The following OR51I2 variants were observed in gnomAD, a reference collection of about 807,000 sequenced individuals.
OR51I2 encodes olfactory receptor 51I2.
OR51I2 carries 6 observed loss-of-function variants against 9.3 expected under a neutral mutation model. The observed-to-expected ratio is 0.64, with a 90% CI of 0.35 to 1.27. OR51I2 has a LOEUF of 1.27. OR51I2 is among the 50% of genes most tolerant of loss of function. The pLI is 0.03. For missense variants in OR51I2, 489 were observed against 396.4 expected (o/e 1.23, Z -1.98); for synonymous variants, 179 against 143.1 (o/e 1.25, Z -1.79).
At position 5,453,719 on chromosome 11, in the gene OR51I2, A is replaced by G. The variant is rs80243568; in HGVS notation, c.231A>G (p.Thr77=). The G allele has an allele frequency of 3.3e-3, 5,258 of 1,614,114 alleles. 135 individuals are homozygous for G. In the African/African-American group the frequency reaches 0.059, roughly 18 times the overall value. ...SFSDVAISMA[T]LPTVLRTFCL... ...GTGATGTGGCCATATCCATGGCCAC[A>G]CTGCCCACTGTACTCCGAACCTTCT... Residue 77 remains threonine, a synonymous_variant, in exon 2 of 2, where the codon ACA becomes ACG. Transcript: ENST00000641930.
rs376662232 is a variant in OR51I2 at position 5,454,141 on chromosome 11, A to G, written c.653A>G (p.Tyr218Cys). ...GMDLFFIFLS[Y>C]VLILRSVMAT... is the part of the protein sequence containing the mutation. Reference sequence around the variant, plus strand: ...GACCTGTTTTTTATCTTCCTCTCCTATGTGCTCATTCTGCGTTCTGTCATG... The same window carrying G: ...GACCTGTTTTTTATCTTCCTCTCCTGTGTGCTCATTCTGCGTTCTGTCATG... Residue 218 changes from tyrosine (Y) to cysteine (C), a missense_variant, in exon 2 of 2, where the codon TAT (tyrosine) becomes TGT (cysteine). Transcript: ENST00000641930. 11 of 1,613,840 alleles carry G rather than the reference A, an allele frequency of 6.8e-6. No individual in the cohort carries two copies. The highest frequency in any genetic ancestry group is 9.3e-6 in the Non-Finnish European group (11 of 1,180,000).
rs2133787938 is a variant in OR51I2, at chr11:5,454,203, A to ACG, written c.715_716insCG (p.Asn239ThrfsTer18). On this transcript the variant is annotated frameshift_variant, in exon 2 of 2. Transcript: ENST00000641930. LOFTEE classifies it high-confidence loss of function. ...CCGTGAGGAACGCCTCAAAGCTCTCAACACATGTGTGTCACATATCCTGGC... is the reference window on the plus strand; with the variant it reads ...CCGTGAGGAACGCCTCAAAGCTCTCACGACACATGTGTGTCACATATCCTGGC... 1 of 1,613,950 alleles carries ACG rather than the reference A, an allele frequency of 6.2e-7. No individual in the cohort carries two copies. The highest frequency in any genetic ancestry group is 8.5e-7 in the Non-Finnish European group (1 of 1,179,896).
Position 5,453,677 on chromosome 11 carries a change from G to T in OR51I2, c.189G>T (p.Leu63=). Residue 63 remains leucine (L), a synonymous_variant, in exon 2 of 2, where the codon CTG becomes CTT. Coordinates refer to ENST00000641930, the MANE Select transcript of OR51I2 (RefSeq NM_001004754.3). ...TCCATGAGCCCATGTACTACTTCCT[G>T]TCCATGTTGTCCTTCAGTGATGTGG... is the stretch of plus-strand genomic sequence containing the variant. ...PSLHEPMYYF[L]SMLSFSDVAI... The T allele has an allele frequency of 6.2e-7, 1 of 1,613,446 alleles. No individual in the cohort carries two copies. The highest frequency in any genetic ancestry group is 8.5e-7 in the Non-Finnish European group (1 of 1,179,694).
At position 5,454,329 on chromosome 11, in the gene OR51I2, CT is replaced by C; in HGVS notation, c.842del (p.Leu281HisfsTer39). ...YIHVLMSNVY[L>X]FVPPVLNPLI... The stretch of plus-strand genomic sequence containing the variant: ...ACATGTCCTCATGTCAAATGTGTAC[CT>C]ATTTGTGCCTCCTGTGCTCAACCCT... On this transcript the variant is annotated frameshift_variant, in exon 2 of 2. Coordinates refer to ENST00000641930, the MANE Select transcript of OR51I2 (RefSeq NM_001004754.3). LOFTEE classifies it high-confidence loss of function. 1 of 1,614,146 alleles carries C rather than the reference CT, an allele frequency of 6.2e-7. No individual in the cohort carries two copies. The highest frequency in any genetic ancestry group is 8.5e-7 in the Non-Finnish European group (1 of 1,180,016).
In OR51I2 at chr11:5,453,941, A is replaced by G. The variant is rs1850903418; in HGVS notation, c.453A>G (p.Arg151=). The part of the protein sequence containing the change: ...IAAMGLGAAA[R]SFITLFPLPF... Reference sequence around the variant, plus strand: ...CAATGGGTTTAGGTGCAGCTGCTCGAAGCTTCATCACCCTTTTCCCTCTTC... The same window carrying G: ...CAATGGGTTTAGGTGCAGCTGCTCGGAGCTTCATCACCCTTTTCCCTCTTC... The change falls in exon 2 of 2, where the codon CGA becomes CGG. Residue 151 remains arginine (R), a synonymous_variant. Coordinates refer to ENST00000641930, the MANE Select transcript of OR51I2 (RefSeq NM_001004754.3). 2 of 1,614,024 alleles carry G rather than the reference A, an allele frequency of 1.2e-6. No individual in the cohort carries two copies. Among genetic ancestry groups the G allele is most frequent in the Non-Finnish European group, 1.7e-6 (2 of 1,180,020 alleles).
chr11:5,450,307 T>C (rs1850825061), intron 1 of OR51I2, among the ~76,000 whole-genome samples: 1 of 152,040 alleles, frequency 6.6e-6, no homozygotes, highest in African/African-American at 2.4e-5. Context: ...AAGAATCACC[T>C]GAACCTGGGA....
intron 1 of OR51I2, among the ~76,000 whole-genome samples, chr11:5,452,488 G>A (rs967545124): frequency 1.5e-4 from 15 of 103,200 alleles, no homozygotes; most frequent in African/African-American, 1.9e-4. Context: ...CTGGGCAAAA[G>A]AGAGAGACTC....
chr11:5,450,377 A>C lies in OR51I2; in HGVS notation c.-231+1013A>C, dbSNP rs537387659. ...GCACTCCACCCTGGATGATGGAGCAAGACTCAGTCTCAAATAAATAAATGA... is the reference window on the plus strand; with the variant it reads ...GCACTCCACCCTGGATGATGGAGCACGACTCAGTCTCAAATAAATAAATGA... On this transcript the variant is annotated intron_variant, in intron 1 of 1. Coordinates refer to ENST00000641930, the MANE Select transcript of OR51I2 (RefSeq NM_001004754.3). Among the ~76,000 whole-genome samples the C allele has an allele frequency of 1.1e-4, 16 of 152,296 alleles. 1 individual carries two copies. The South Asian group carries it at 3.3e-3, about 32-fold the overall frequency.
Position 5,453,799 on chromosome 11 carries a change from T to C in OR51I2, c.311T>C (p.Ile104Thr). 1 of 1,614,236 alleles carries C rather than the reference T, an allele frequency of 6.2e-7. No homozygotes were observed. Among genetic ancestry groups the C allele is most frequent in the Non-Finnish European group, 8.5e-7 (1 of 1,180,046 alleles). ...GCCTGTCTAATTCAGATGTTTCTTA[T>C]TCACTTCTTCTCCATGATGGAATCA... The part of the protein sequence containing the change: ...FDACLIQMFL[I>T]HFFSMMESGI... The change falls in exon 2 of 2, where the codon ATT becomes ACT. Residue 104 changes from isoleucine to threonine, a missense_variant. Coordinates refer to ENST00000641930, the MANE Select transcript of OR51I2 (RefSeq NM_001004754.3).
Position 5,453,292 on chromosome 11 carries a change from T to G in OR51I2, c.-197T>G. ...ATTAGCTCAGCCTGCAGGCTGATCATCATAAAATATGAAGAAAAGGAGTTT... is the reference window on the plus strand; with the variant it reads ...ATTAGCTCAGCCTGCAGGCTGATCAGCATAAAATATGAAGAAAAGGAGTTT... On this transcript the variant is annotated 5_prime_UTR_variant, in exon 2 of 2. Coordinates refer to ENST00000641930, the MANE Select transcript of OR51I2 (RefSeq NM_001004754.3). The G allele has an allele frequency of 2.3e-6, 1 of 428,096 alleles. No individual in the cohort carries two copies. The highest frequency in any genetic ancestry group is 4.1e-6 in the Non-Finnish European group (1 of 243,310). The allele number at this position is 428,096 out of a possible 1,614,324, so 26.5% of individuals were successfully genotyped here.
chr11:5,454,367 C>A lies in OR51I2; in HGVS notation c.879C>A (p.Ser293Arg), dbSNP rs11037503. Residue 293 changes from serine (S) to arginine (R), a missense_variant, in exon 2 of 2, where the codon AGC (serine) becomes AGA (arginine). Ser to Arg is a moderately radical substitution (Grantham distance 110, BLOSUM62 -1). Coordinates refer to ENST00000641930, the MANE Select transcript of OR51I2 (RefSeq NM_001004754.3). ...CTGTGCTCAACCCTCTCATTTATAG[C>A]GCCAAGACAAAGGAAATCCGCCGAG... ...VPPVLNPLIY[S>R]AKTKEIRRAI... The A allele has an allele frequency of 2.5e-6, 4 of 1,613,310 alleles. No homozygotes were observed. In the African/African-American group the frequency reaches 4.0e-5, roughly 16 times the overall value.
chr11:5,454,116 G>A lies in OR51I2; in HGVS notation c.628G>A (p.Asp210Asn). ...LFVLVSTFGM[D>N]LFFIFLSYVL... is the part of the protein sequence containing the mutation. ...TGTTCTTGTATCCACCTTTGGCATG[G>A]ACCTGTTTTTTATCTTCCTCTCCTA... is the stretch of plus-strand genomic sequence containing the variant. The change falls in exon 2 of 2, where the codon GAC becomes AAC. Residue 210 changes from aspartate to asparagine, a missense_variant. Asp to Asn is a conservative substitution (Grantham distance 23). Coordinates refer to ENST00000641930, the MANE Select transcript of OR51I2 (RefSeq NM_001004754.3). 6.2e-7 allele frequency: 1 copy of A among 1,614,156 alleles called. No individual in the cohort carries two copies. Among genetic ancestry groups the A allele is most frequent in the South Asian group, 1.1e-5 (1 of 91,068 alleles).
chr11:5,453,825 G>A lies in OR51I2; in HGVS notation c.337G>A (p.Gly113Ser). ...LIHFFSMMESGILLAMSFDRY... is the reference protein window; with the variant it reads ...LIHFFSMMESSILLAMSFDRY... ...TCACTTCTTCTCCATGATGGAATCA[G>A]GTATTCTGCTGGCCATGAGTTTTGA... is the stretch of plus-strand genomic sequence containing the variant. Residue 113 changes from glycine (G) to serine (S), a missense_variant, in exon 2 of 2, where the codon GGT (glycine) becomes AGT (serine). Coordinates refer to ENST00000641930, the MANE Select transcript of OR51I2 (RefSeq NM_001004754.3). The A allele has an allele frequency of 6.2e-7, 1 of 1,614,180 alleles. No individual in the cohort carries two copies. Among genetic ancestry groups the A allele is most frequent in the Non-Finnish European group, 8.5e-7 (1 of 1,180,038 alleles).
At position 5,450,081 on chromosome 11, in the gene OR51I2, G is replaced by A. The variant is rs116528288; in HGVS notation, c.-231+717G>A. Among the ~76,000 whole-genome samples, 378 of 152,206 alleles carry A rather than the reference G, an allele frequency of 2.5e-3. 1 individual carries two copies. The highest frequency in any genetic ancestry group is 8.6e-3 in the African/African-American group (357 of 41,522). Reference sequence around the variant, plus strand: ...AACATCAAAGCCATAAAGGATCTCAGAGAATGTCCTTAAAAATAAGACATA... The same window carrying A: ...AACATCAAAGCCATAAAGGATCTCAAAGAATGTCCTTAAAAATAAGACATA... On this transcript the variant is annotated intron_variant, in intron 1 of 1. Coordinates refer to ENST00000641930, the MANE Select transcript of OR51I2 (RefSeq NM_001004754.3).
Position 5,455,556 on chromosome 11 carries a change from AG to A in OR51I2, c.*1130del, listed in dbSNP as rs1448564068. On this transcript the variant is annotated 3_prime_UTR_variant, in exon 2 of 2. Coordinates refer to ENST00000641930, the MANE Select transcript of OR51I2 (RefSeq NM_001004754.3). ...AAGAGAGCGAGGGATTGGGGGAGAA[AG>A]AAGGGGGGAGAGAGAGAGAGAAAGA... 2.4e-5 allele frequency: 1 copy of A among 40,968 alleles called. No homozygotes were observed. Among genetic ancestry groups the A allele is most frequent in the Non-Finnish European group, 6.7e-5 (1 of 14,878 alleles). The allele number at this position is 40,968 out of a possible 1,614,324, so 2.5% of individuals were successfully genotyped here. A position where few individuals can be genotyped will look rare whatever the true frequency, so the allele number is the denominator to read the frequency against.
intron 1 of OR51I2, among the ~76,000 whole-genome samples, chr11:5,452,331 C>T (rs189088734): frequency 1.9e-3 from 287 of 151,684 alleles, no homozygotes; most frequent in African/African-American, 6.7e-3. Context: ...GGTGAAACCC[C>T]GTCTCTACTA....
At chr11:5,452,968 T>C (rs981893074) in intron 1 of OR51I2, among the ~76,000 whole-genome samples, 1 of 152,176 alleles carries the variant, frequency 6.6e-6, no homozygotes, top group Non-Finnish European at 1.5e-5. Context: ...TCCCTCTCCA[T>C]CCAAGCACAC....
intron 1 of OR51I2, among the ~76,000 whole-genome samples, chr11:5,453,007 GTCTC>G (rs111336141): frequency 0.057 from 8,641 of 152,168 alleles, 835 homozygotes; most frequent in African/African-American, 0.2. Flanking sequence ...CTCTGGGAAA[GTCTC>G]TCATTAATTT....
At chr11:5,452,353 A>G (rs1463668997) in intron 1 of OR51I2, among the ~76,000 whole-genome samples, 1 of 151,936 alleles carries the variant, frequency 6.6e-6, no homozygotes, top group African/African-American at 2.4e-5. Flanking sequence ...AACTACAAAA[A>G]AAATTAGCCG....
Sources: allele counts gnomAD v4.1 joint callset (sites outside exome capture counted in the v4.1 genomes callset), GRCh38; gene constraint gnomAD v4.1.1; transcripts MANE v1.5; gene names NCBI Gene and HGNC (gene_info 2026-07-23, HGNC 2026-07-21).